NUDCD1: variants seen among roughly 807,000 people sequenced by gnomAD.
NUDCD1 encodes NudC domain containing 1.
A neutral mutation model predicts 67.8 loss-of-function variants in NUDCD1; 60 were observed. The ratio of observed to expected loss-of-function variants is 0.88; its 90% CI spans 0.72 to 1.10. NUDCD1 has a LOEUF of 1.10. Among genes scored for constraint, NUDCD1 ranks in the 50% least tolerant of loss-of-function variants. The pLI, the probability that NUDCD1 is intolerant of heterozygous loss-of-function variation, is 0.00. For synonymous variants in NUDCD1, 244 were observed against 230.8 expected, an observed-to-expected ratio of 1.06 and a Z score of -0.52; for missense variants, 643 against 695.0, an observed-to-expected ratio of 0.93 and a Z score of 0.84.
chr8:109,245,365 T>C lies in NUDCD1; in HGVS notation c.1416A>G (p.Lys472=). The change falls in exon 9 of 10, where the codon AAA becomes AAG. Residue 472 remains lysine (K), a synonymous_variant. Transcript: ENST00000239690. ...CGATGTGCTCCCACATATCATCTTG[T>C]TTGCTGGAGTGTGGTTGCCAGAGTA... The part of the protein sequence containing the change: ...DALLWQPHSS[K]QDDMWEHIAT... 6.2e-7 allele frequency: 1 copy of C among 1,613,966 alleles called. No individual in the cohort carries two copies. Among genetic ancestry groups the C allele is most frequent in the Non-Finnish European group, 8.5e-7 (1 of 1,179,934 alleles).
At chr8:109,287,992 GCCAAATAGCCAATAGATAATA>G (rs1372424481) in intron 5 of NUDCD1, among the ~76,000 whole-genome samples, 1 of 152,032 alleles carries the variant, frequency 6.6e-6, no homozygotes, top group African/African-American at 2.4e-5. Context: ...TTATTAAAAT[GCCAAATAGCCAATAGATAATA>G]CCAGTCTTCT....
At chr8:109,247,239 G>T (rs979519853) in intron 8 of NUDCD1, among the ~76,000 whole-genome samples, 3 of 151,918 alleles carry the variant, frequency 2.0e-5, no homozygotes, top group Admixed American at 1.3e-4. Context: ...TTAACCAAGG[G>T]CTTTCACAGA....
At chr8:109,297,228 C>G (rs976652382) in intron 2 of NUDCD1, among the ~76,000 whole-genome samples, 6 of 152,094 alleles carry the variant, frequency 3.9e-5, no homozygotes, top group Admixed American at 3.9e-4. Context: ...GTTAGAAATA[C>G]CACATCATGT....
chr8:109,265,038 A>G (rs996608215), intron 8 of NUDCD1, among the ~76,000 whole-genome samples: 1 of 152,094 alleles, frequency 6.6e-6, no homozygotes, highest in Non-Finnish European at 1.5e-5. Flanking sequence ...AAGACAGGCA[A>G]AGTAAACCCA....
At chr8:109,272,919 T>C (rs112752819) in intron 7 of NUDCD1, among the ~76,000 whole-genome samples, 3,152 of 152,240 alleles carry the variant, frequency 0.021, 111 homozygotes, top group African/African-American at 0.072. Context: ...CAAGGAGATA[T>C]CTATGTCCAG....
At chr8:109,272,872 A>T (rs985097568) in intron 7 of NUDCD1, among the ~76,000 whole-genome samples, 1 of 152,178 alleles carries the variant, frequency 6.6e-6, no homozygotes. Context: ...ACCGCCAACA[A>T]TCTCCTGGTT....
intron 1 of NUDCD1, among the ~76,000 whole-genome samples, chr8:109,331,931 A>C (rs972345170): frequency 2.0e-5 from 3 of 152,186 alleles, no homozygotes; most frequent in African/African-American, 7.2e-5. Context: ...TCACTTTCCC[A>C]GACGTTTTGC....
At chr8:109,312,960 T>C (rs1339467373) in intron 2 of NUDCD1, among the ~76,000 whole-genome samples, 3 of 152,200 alleles carry the variant, frequency 2.0e-5, no homozygotes, top group African/African-American at 7.2e-5. Context: ...TTACTAATTA[T>C]AGTGTGAGCC....
At chr8:109,323,888 T>C (rs1264779477) in intron 1 of NUDCD1, among the ~76,000 whole-genome samples, 1 of 151,774 alleles carries the variant, frequency 6.6e-6, no homozygotes, top group Non-Finnish European at 1.5e-5. Flanking sequence ...AGCAGAAAAA[T>C]AAAATTAGAC....
intron 6 of NUDCD1, among the ~76,000 whole-genome samples, chr8:109,278,206 ACT>A (rs1814342360): frequency 6.6e-6 from 1 of 152,170 alleles, no homozygotes; most frequent in Non-Finnish European, 1.5e-5. Flanking sequence ...TAACTGCCTA[ACT>A]CTATTCATTA....
At chr8:109,264,466 T>TA (rs1813946194) in intron 8 of NUDCD1, among the ~76,000 whole-genome samples, 1 of 152,162 alleles carries the variant, frequency 6.6e-6, no homozygotes. Context: ...AATAATGAAA[T>TA]AGATTAGCAT....
chr8:109,252,406 G>T (rs1413421250), intron 8 of NUDCD1, among the ~76,000 whole-genome samples: 1 of 151,994 alleles, frequency 6.6e-6, no homozygotes, highest in Non-Finnish European at 1.5e-5. Context: ...CCCTTGGCAA[G>T]CTAAGATTTG....
intron 8 of NUDCD1, among the ~76,000 whole-genome samples, chr8:109,248,955 C>A (rs1384567926): frequency 6.6e-6 from 1 of 152,062 alleles, no homozygotes; most frequent in Non-Finnish European, 1.5e-5. Context: ...CAAATGGCAT[C>A]TTCTCCTCCA....
rs182971083 is a variant in NUDCD1 at position 109,259,541 on chromosome 8, A to G, written c.1299+11464T>C. On this transcript the variant is annotated intron_variant, in intron 8 of 9. Transcript: ENST00000239690. ...GCCTTACAGGTTGATTAACAAGGTT[A>G]GAGGTGTGTCTATGGGATTATCTGG... 2.5e-3 allele frequency among the ~76,000 whole-genome samples: 377 copies of G among 152,320 alleles called. 2 individuals carry two copies. The highest frequency in any genetic ancestry group is 8.0e-3 in the African/African-American group (333 of 41,580).
chr8:109,285,257 C>T (rs2926276), intron 5 of NUDCD1, among the ~76,000 whole-genome samples: 54,715 of 151,954 alleles, frequency 0.36, 10,688 homozygotes, highest in South Asian at 0.5. Flanking sequence ...GGTACCAATT[C>T]TACTGAAACT....
chr8:109,263,054 CAAAA>C (rs59659347), intron 8 of NUDCD1, among the ~76,000 whole-genome samples: 250 of 42,002 alleles, frequency 6.0e-3, no homozygotes, highest in African/African-American at 0.02. Context: ...GACTCTGTCT[CAAAA>C]AAAAAAAAAA....
Position 109,319,813 on chromosome 8 carries a change from A to G in NUDCD1, c.273+2496T>C, listed in dbSNP as rs528905831. On this transcript the variant is annotated intron_variant, in intron 2 of 9. Transcript: ENST00000239690. ...TCATTTCATCAGGGAGCCTGCCCCA[A>G]TATTCACCTAGGTTCTTTTCTATTT... Among the ~76,000 whole-genome samples the G allele has an allele frequency of 3.3e-4, 51 of 152,338 alleles. No individual in the cohort carries two copies. The South Asian group carries it at 0.01, about 31-fold the overall frequency.
At chr8:109,333,764 G>T (rs1436878821) in intron 1 of NUDCD1, 129 bp downstream of exon 1, 1 of 975,178 alleles carries the variant, frequency 1.0e-6, no homozygotes, top group Non-Finnish European at 1.5e-6. Flanking sequence ...AGCGGCCTCC[G>T]TGAGTCCACG....
chr8:109,288,657 T>A (rs1210203823), intron 5 of NUDCD1, among the ~76,000 whole-genome samples: 1 of 152,188 alleles, frequency 6.6e-6, no homozygotes, highest in Non-Finnish European at 1.5e-5. Flanking sequence ...CCAAAAATAG[T>A]AAACCTAGGT....
Sources: allele counts gnomAD v4.1 joint callset (sites outside exome capture counted in the v4.1 genomes callset), GRCh38; gene constraint gnomAD v4.1.1; transcripts MANE v1.5; gene names NCBI Gene and HGNC (gene_info 2026-07-23, HGNC 2026-07-21).